The following GABRA4 variants were observed in gnomAD, a reference collection of about 807,000 sequenced individuals.
GABRA4 encodes the protein gamma-aminobutyric acid type A receptor subunit alpha4.
A neutral mutation model predicts 49.7 loss-of-function variants in GABRA4; 12 were observed. The observed-to-expected ratio is 0.24, with a 90% CI of 0.15 to 0.39. The LOEUF is 0.39. Ranked by LOEUF, GABRA4 falls within the 10% of genes least tolerant of loss-of-function variation. The pLI is 1.00. For missense variants in GABRA4, 506 were observed against 686.0 expected, an observed-to-expected ratio of 0.74 and a Z score of 2.93; for synonymous variants, 288 against 240.2, an observed-to-expected ratio of 1.20 and a Z score of -1.84.
intron 2 of GABRA4, among the ~76,000 whole-genome samples, chr4:46,983,190 T>A (rs1257357652): frequency 6.6e-6 from 1 of 152,102 alleles, no homozygotes; most frequent in Non-Finnish European, 1.5e-5. Flanking sequence ...CTATACTACA[T>A]TATATCACCA....
In GABRA4 at chr4:46,927,889, T is replaced by G. The variant is rs1721283078; in HGVS notation, c.*336A>C. On this transcript the variant is annotated 3_prime_UTR_variant, in exon 9 of 9. Coordinates refer to ENST00000264318, the MANE Select transcript of GABRA4 (RefSeq NM_000809.4). ...GGCAGGTTGATACTCATAGGGCAGA[T>G]TTTTAAAATGTCATAGTCTGTTTTC... 5.3e-6 allele frequency: 1 copy of G among 188,494 alleles called. No homozygotes were observed. The highest frequency in any genetic ancestry group is 1.1e-4 in the South Asian group (1 of 9,262). 11.7% of individuals were successfully genotyped at this position (188,494 alleles called of 1,614,324 possible).
chr4:46,923,227 G>T lies in GABRA4; in HGVS notation c.*4998C>A, dbSNP rs1721099578. The T allele has an allele frequency of 6.6e-6, 1 of 151,106 alleles. No individual in the cohort carries two copies. Among genetic ancestry groups the T allele is most frequent in the Non-Finnish European group, 1.5e-5 (1 of 67,838 alleles). 9.4% of individuals were successfully genotyped at this position (151,106 alleles called of 1,614,324 possible). ...TTGCAGAAAATTTTCCTGAAATAAA[G>T]ATTGAAACCTGGGATAAAAAGCTCT... is the stretch of plus-strand genomic sequence containing the variant. On this transcript the variant is annotated 3_prime_UTR_variant, in exon 9 of 9. Coordinates refer to ENST00000264318, the MANE Select transcript of GABRA4 (RefSeq NM_000809.4).
Position 46,965,038 on chromosome 4 carries a change from A to G in GABRA4, c.1066T>C (p.Ser356Pro). Residue 356 changes from serine to proline, a missense_variant, in exon 8 of 9, where the codon TCA becomes CCA. By Grantham distance (74) the Ser-to-Pro change is moderately conservative (BLOSUM62 -1). Around this residue, in one of 5 missense-constraint regions of GABRA4, gnomAD observed 243 missense variants for 210.8 expected, o/e 1.15. Transcript: ENST00000264318. ...GCGGGAACTTCCTGAGGGGGCTTTG[A>G]TGTCTTCCTTTTGGCTTTTTCCATT... ...IQMEKAKRKT[S>P]KPPQEVPAAP... is the part of the protein sequence containing the mutation. 6.2e-7 allele frequency: 1 copy of G among 1,611,966 alleles called. No individual in the cohort carries two copies. The highest frequency in any genetic ancestry group is 2.2e-5 in the East Asian group (1 of 44,794).
chr4:46,928,211 C>T lies in GABRA4; in HGVS notation c.*14G>A. 6.3e-7 allele frequency: 1 copy of T among 1,587,980 alleles called. No individual in the cohort carries two copies. On this transcript the variant is annotated 3_prime_UTR_variant, in exon 9 of 9. Coordinates refer to ENST00000264318, the MANE Select transcript of GABRA4 (RefSeq NM_000809.4). ...ATTTTCATCATCTTTTAGCAAACTA[C>T]TATAGCAACGAAATTACATTAGACT...
In GABRA4 at chr4:46,928,750, T is replaced by C; in HGVS notation, c.1140A>G (p.Thr380=). Residue 380 remains threonine (T), a synonymous_variant, in exon 9 of 9, where the codon ACA becomes ACG. Transcript: ENST00000264318. ...TTTTTCTCATGTTCAAATTGGCATTTGTATTCTGAAAAGGTATATGAAAAA... is the reference window on the plus strand; with the variant it reads ...TTTTTCTCATGTTCAAATTGGCATTCGTATTCTGAAAAGGTATATGAAAAA... ...EKHPEAPLQN[T]NANLNMRKRT... is the part of the protein sequence containing the mutation. 3.7e-6 allele frequency: 6 copies of C among 1,605,108 alleles called. No homozygotes were observed. The highest frequency in any genetic ancestry group is 5.1e-6 in the Non-Finnish European group (6 of 1,173,454).
intron 8 of GABRA4, among the ~76,000 whole-genome samples, chr4:46,932,919 A>C (rs1178599030): frequency 6.6e-6 from 1 of 152,162 alleles, no homozygotes; most frequent in East Asian, 1.9e-4. Flanking sequence ...TGACAGTTGG[A>C]AAACTATATT....
intron 2 of GABRA4, among the ~76,000 whole-genome samples, chr4:46,991,361 C>T (rs1723738400): frequency 6.6e-6 from 1 of 152,122 alleles, no homozygotes; most frequent in African/African-American, 2.4e-5. Context: ...ACCTCAGTGT[C>T]CCCATCTGTT....
At chr4:46,959,455 C>A (rs1471983686) in intron 8 of GABRA4, among the ~76,000 whole-genome samples, 11 of 151,856 alleles carry the variant, frequency 7.2e-5, no homozygotes, top group Non-Finnish European at 1.5e-5. Flanking sequence ...ATCCTATGTC[C>A]TTCACAACCA....
intron 8 of GABRA4, among the ~76,000 whole-genome samples, chr4:46,960,160 AT>A (rs1722520957): frequency 6.6e-6 from 1 of 151,612 alleles, no homozygotes; most frequent in Non-Finnish European, 1.5e-5. Flanking sequence ...ATCAAATAGA[AT>A]TTGAGGAAAA....
Position 46,927,380 on chromosome 4 carries a change from T to A in GABRA4, c.*845A>T, listed in dbSNP as rs573064215. 2 of 152,640 alleles carry A rather than the reference T, an allele frequency of 1.3e-5. No individual in the cohort carries two copies. Among genetic ancestry groups the A allele is most frequent in the South Asian group, 4.1e-4 (2 of 4,832 alleles). The allele number at this position is 152,640 out of a possible 1,614,324, so 9.5% of individuals were successfully genotyped here. ...AAATGTCCTTCACTAAAGAATGCAA[T>A]GTCCTCTGCTAGTTTATGGTTCTTT... On this transcript the variant is annotated 3_prime_UTR_variant, in exon 9 of 9. Transcript: ENST00000264318.
At chr4:46,947,854 C>T (rs1179584873) in intron 8 of GABRA4, among the ~76,000 whole-genome samples, 1 of 151,970 alleles carries the variant, frequency 6.6e-6, no homozygotes, top group Non-Finnish European at 1.5e-5. Flanking sequence ...AATTTTATCT[C>T]TCAAGGGTTT....
rs1047322050 is a variant in GABRA4, at chr4:46,928,683, T to C, written c.1207A>G (p.Arg403Gly). Residue 403 changes from arginine to glycine, a missense_variant, in exon 9 of 9, where the codon AGA (arginine) becomes GGA (glycine). Physicochemically the swap from Arg to Gly is moderately radical, Grantham distance 125. Transcript: ENST00000264318. Reference protein sequence around the residue: ...LVHSESDVGNRTEVGNHSSKS... With the variant: ...LVHSESDVGNGTEVGNHSSKS... The stretch of plus-strand genomic sequence containing the variant: ...CTTGAATGGTTTCCCACCTCAGTTC[T>C]GTTGCCAACATCAGATTCAGAGTGA... 6.2e-7 allele frequency: 1 copy of C among 1,613,344 alleles called. No individual in the cohort carries two copies. The highest frequency in any genetic ancestry group is 1.3e-5 in the African/African-American group (1 of 74,888).
At chr4:46,991,206 A>G (rs1305572476) in intron 2 of GABRA4, among the ~76,000 whole-genome samples, 2 of 152,138 alleles carry the variant, frequency 1.3e-5, no homozygotes, top group Non-Finnish European at 2.9e-5. Context: ...AAAGAAATAT[A>G]CAAATGCTGA....
At chr4:46,978,823 C>T (rs1171536726) in intron 3 of GABRA4, among the ~76,000 whole-genome samples, 3 of 151,742 alleles carry the variant, frequency 2.0e-5, no homozygotes, top group Non-Finnish European at 2.9e-5. Context: ...TTAGAATGAC[C>T]CTAAATCAAC....
chr4:46,985,993 T>C (rs1723521671), intron 2 of GABRA4, among the ~76,000 whole-genome samples: 1 of 151,918 alleles, frequency 6.6e-6, no homozygotes, highest in Admixed American at 6.6e-5. Flanking sequence ...AGGCAAACTT[T>C]TCTCTTTCTC....
At chr4:46,968,274 C>T (rs1162392845) in intron 7 of GABRA4, among the ~76,000 whole-genome samples, 1 of 151,492 alleles carries the variant, frequency 6.6e-6, no homozygotes, top group East Asian at 1.9e-4. Flanking sequence ...CAATCTGACA[C>T]ATCTTAGGTC....
At chr4:46,969,448 T>G (rs1722875306) in intron 7 of GABRA4, among the ~76,000 whole-genome samples, 1 of 151,556 alleles carries the variant, frequency 6.6e-6, no homozygotes, top group South Asian at 2.1e-4. Flanking sequence ...CAAAAGATGA[T>G]GTGTAAAGAC....
chr4:46,951,984 TAGAC>T (rs1387079328), intron 8 of GABRA4, among the ~76,000 whole-genome samples: 2 of 151,932 alleles, frequency 1.3e-5, no homozygotes, highest in Non-Finnish European at 2.9e-5. Flanking sequence ...TGTTTGCAAT[TAGAC>T]AACAAAAAGC....
intron 8 of GABRA4, among the ~76,000 whole-genome samples, chr4:46,945,207 T>C (rs1363143970): frequency 6.6e-6 from 1 of 152,148 alleles, no homozygotes; most frequent in Non-Finnish European, 1.5e-5. Context: ...GAGTCAGTCC[T>C]GGAATATTAA....
Sources: gnomAD v4.1 joint callset for allele counts (sites outside exome capture counted in the v4.1 genomes callset) on GRCh38, gnomAD v4.1.1 for gene constraint, gnomAD v4.1.1 regional missense constraint, MANE v1.5 for transcripts, NCBI Gene and HGNC (gene_info 2026-07-23, HGNC 2026-07-21) for gene names.